The following MARK1 variants were observed in gnomAD, a reference collection of about 807,000 sequenced individuals.
MARK1 encodes the protein serine/threonine-protein kinase MARK1.
Under a neutral mutation model 96.3 loss-of-function variants are expected in MARK1, and 40 were observed. That is an observed-to-expected ratio of 0.42 (90% CI 0.32 to 0.54). MARK1 has a LOEUF of 0.54. MARK1 is among the 20% of genes least tolerant of loss of function. MARK1 has a pLI of 0.16. For synonymous variants in MARK1, 317 were observed against 341.2 expected (o/e 0.93, Z 0.78); for missense variants, 719 against 984.6 (o/e 0.73, Z 3.61).
chr1:220,613,085 G>T (rs1666546650), intron 6 of MARK1, among the ~76,000 whole-genome samples: 1 of 152,130 alleles, frequency 6.6e-6, no homozygotes, highest in South Asian at 2.1e-4. Context: ...ATGTTTTCAG[G>T]ATCCATTAAT....
chr1:220,530,803 G>A (rs938957877), intron 1 of MARK1, among the ~76,000 whole-genome samples: 1 of 152,070 alleles, frequency 6.6e-6, no homozygotes, highest in Non-Finnish European at 1.5e-5. Context: ...TCACTTTTAT[G>A]GTCTTGTGCC....
At chr1:220,623,470 T>C (rs943792205) in intron 9 of MARK1, among the ~76,000 whole-genome samples, 2 of 152,232 alleles carry the variant, frequency 1.3e-5, no homozygotes. Context: ...TTCCAACCTT[T>C]ATCTTCCATT....
intron 7 of MARK1, among the ~76,000 whole-genome samples, chr1:220,617,330 G>C (rs1193021497): frequency 6.6e-6 from 1 of 152,096 alleles, no homozygotes; most frequent in African/African-American, 2.4e-5. Flanking sequence ...AGAAAAGAAA[G>C]GTTGTGGTGG....
At chr1:220,635,747 T>C in intron 12 of MARK1, 86 bp from the exon 13 acceptor site, 1 of 1,255,984 alleles carries the variant, frequency 8.0e-7, no homozygotes, top group Non-Finnish European at 1.1e-6. Flanking sequence ...CAAATATGGA[T>C]AATTTTAATA....
Position 220,657,790 on chromosome 1 carries a change from G to T in MARK1, c.1989G>T (p.Arg663Ser). 6.4e-7 allele frequency: 1 copy of T among 1,573,578 alleles called. No individual in the cohort carries two copies. Among genetic ancestry groups the T allele is most frequent in the East Asian group, 2.3e-5 (1 of 42,740 alleles). ...ATCTCAACCTTCACTTTGTTTTGAG[G>T]GATCCAAGTGAAGGCGAAGCCAGTG... is the stretch of plus-strand genomic sequence containing the variant. ...ISKITSKFVRRDPSEGEASGR... is the reference protein window; with the variant it reads ...ISKITSKFVRSDPSEGEASGR... Residue 663 changes from arginine to serine, a missense_variant and splice_region_variant, in exon 17 of 18, where the codon AGG (arginine) becomes AGT (serine). Physicochemically the swap from Arg to Ser is moderately radical, Grantham distance 110. Around this residue, in one of 4 missense-constraint regions of MARK1, gnomAD observed 501 missense variants for 588.3 expected, o/e 0.85. Coordinates refer to ENST00000366917, the MANE Select transcript of MARK1 (RefSeq NM_018650.5).
chr1:220,554,435 T>TAA (rs1314123929), intron 1 of MARK1, among the ~76,000 whole-genome samples: 1 of 152,166 alleles, frequency 6.6e-6, no homozygotes, highest in Non-Finnish European at 1.5e-5. Context: ...ATCTGCTGAG[T>TAA]AGAGGCTAGG....
chr1:220,532,004 GA>G (rs924563912), intron 1 of MARK1, among the ~76,000 whole-genome samples: 4 of 151,472 alleles, frequency 2.6e-5, no homozygotes, highest in East Asian at 1.9e-4. Context: ...AATGAAACAA[GA>G]AAAAAAATTT....
At chr1:220,635,254 T>A (rs1260929362) in intron 11 of MARK1, 122 bp from the exon 12 acceptor site, 2 of 959,806 alleles carry the variant, frequency 2.1e-6, no homozygotes, top group Non-Finnish European at 3.0e-6. Context: ...TACACTGTTT[T>A]TTCAGTTTGG....
chr1:220,592,917 G>C (rs759388834), intron 3 of MARK1, among the ~76,000 whole-genome samples: 1 of 152,188 alleles, frequency 6.6e-6, no homozygotes, highest in African/African-American at 2.4e-5. Context: ...GAAATGCTGA[G>C]TTGTGATTTT....
intron 17 of MARK1, among the ~76,000 whole-genome samples, chr1:220,659,789 C>T (rs1364752684): frequency 6.6e-6 from 1 of 152,026 alleles, no homozygotes; most frequent in African/African-American, 2.4e-5. Context: ...CTTCAGAAAA[C>T]TAATTTTTTT....
At chr1:220,610,421 T>G (rs896608943) in intron 6 of MARK1, among the ~76,000 whole-genome samples, 1 of 152,224 alleles carries the variant, frequency 6.6e-6, no homozygotes, top group Non-Finnish European at 1.5e-5. Flanking sequence ...AGGTCTTCTC[T>G]ACACTGTTTA....
intron 6 of MARK1, among the ~76,000 whole-genome samples, chr1:220,608,657 G>A (rs149226609): frequency 0.023 from 3,525 of 152,072 alleles, 138 homozygotes; most frequent in African/African-American, 0.08. Context: ...TTAGGGTGTC[G>A]ATTTTAGATC....
At chr1:220,615,130 T>C (rs1181359468) in intron 6 of MARK1, among the ~76,000 whole-genome samples, 1 of 152,168 alleles carries the variant, frequency 6.6e-6, no homozygotes, top group Non-Finnish European at 1.5e-5. Flanking sequence ...ATCAGATGCT[T>C]TCTATTTCTG....
intron 3 of MARK1, among the ~76,000 whole-genome samples, chr1:220,588,766 T>C (rs1456190196): frequency 6.6e-6 from 1 of 152,180 alleles, no homozygotes; most frequent in Admixed American, 6.5e-5. Context: ...ATGGCACTTA[T>C]GAGATAGTCT....
chr1:220,528,976 C>T lies in MARK1; in HGVS notation c.51+103C>T, dbSNP rs1266889085. The T allele has an allele frequency of 1.4e-5, 17 of 1,208,610 alleles. No individual in the cohort carries two copies. In the Admixed American group the frequency reaches 4.3e-4, roughly 30 times the overall value. The allele number at this position is 1,208,610 out of a possible 1,614,324, so 74.9% of individuals were successfully genotyped here. A position where few individuals can be genotyped will look rare whatever the true frequency, so the allele number is the denominator to read the frequency against. On this transcript the variant is annotated intron_variant, in intron 1 of 17. Transcript: ENST00000366917. ...GTCCCCCGTGCCTCGGCGCGGCCAC[C>T]CGCGGCAGGGTCTCCACCTGGAGCC...
In MARK1 at chr1:220,618,402, A is replaced by G; in HGVS notation, c.645A>G (p.Thr215=). 1 of 1,614,172 alleles carries G rather than the reference A, an allele frequency of 6.2e-7. No homozygotes were observed. Among genetic ancestry groups the G allele is most frequent in the Non-Finnish European group, 8.5e-7 (1 of 1,180,022 alleles). The stretch of plus-strand genomic sequence containing the variant: ...TTACAGTTGGGAACAAATTGGACAC[A>G]TTTTGTGGAAGCCCACCCTATGCTG... The part of the protein sequence containing the change: ...NEFTVGNKLD[T]FCGSPPYAAP... Residue 215 remains threonine, a synonymous_variant, in exon 8 of 18, where the codon ACA becomes ACG. Transcript: ENST00000366917. This position sits in a 1 kb window ranked among gnomAD's most constrained non-coding sequence, Gnocchi z 4.6.
chr1:220,550,313 G>T (rs1661772890), intron 1 of MARK1, among the ~76,000 whole-genome samples: 1 of 152,178 alleles, frequency 6.6e-6, no homozygotes, highest in African/African-American at 2.4e-5. Context: ...CCTTAGAAAT[G>T]ATAGATAATA....
chr1:220,599,438 A>G (rs781758644), intron 4 of MARK1, among the ~76,000 whole-genome samples: 2 of 152,066 alleles, frequency 1.3e-5, no homozygotes, highest in Non-Finnish European at 2.9e-5. Flanking sequence ...ATTATTTAGC[A>G]TTTTTTGATG....
At chr1:220,549,659 A>AGAG (rs1661728727) in intron 1 of MARK1, among the ~76,000 whole-genome samples, 1 of 152,212 alleles carries the variant, frequency 6.6e-6, no homozygotes, top group Non-Finnish European at 1.5e-5. Flanking sequence ...AGAGTACAGA[A>AGAG]GAGGAGAGTT....
Sources: allele counts gnomAD v4.1 joint callset (sites outside exome capture counted in the v4.1 genomes callset), GRCh38; gene constraint gnomAD v4.1.1; regional missense constraint gnomAD v4.1.1; non-coding constraint Gnocchi (gnomAD v3.1); transcripts MANE v1.5; gene names NCBI Gene and HGNC (gene_info 2026-07-23, HGNC 2026-07-21).